The following FAM227B variants were observed in gnomAD, a reference collection of about 807,000 sequenced individuals.
FAM227B encodes family with sequence similarity 227 member B.
A neutral mutation model predicts 73.8 loss-of-function variants in FAM227B; 88 were observed. The ratio of observed to expected loss-of-function variants is 1.19; its 90% confidence interval spans 1.00 to 1.42. The LOEUF is 1.42. Ranked by LOEUF, FAM227B falls within the 40% of genes most tolerant of loss-of-function variation. The probability of loss-of-function intolerance (pLI) is 0.00; values close to 1 mark genes in which losing one functional copy is unlikely to be tolerated. For synonymous variants in FAM227B, 210 were observed against 190.5 expected, an observed-to-expected ratio of 1.10 and a Z score of -0.84; for missense variants, 632 against 590.9, an observed-to-expected ratio of 1.07 and a Z score of -0.72.
At chr15:49,406,615 G>C (rs370988523) in intron 11 of FAM227B, among the ~76,000 whole-genome samples, 3 of 152,132 alleles carry the variant, frequency 2.0e-5, no homozygotes, top group East Asian at 3.9e-4. Context: ...TGCCGGCCAA[G>C]GCTCCAACTG....
chr15:49,422,548 T>C (rs1567245674), intron 11 of FAM227B: 1 of 1,369,006 alleles, frequency 7.3e-7, no homozygotes, highest in South Asian at 1.8e-5. Context: ...GTAGTGAGTA[T>C]AAGTCACAGA....
At chr15:49,490,354 C>T (rs540276562) in intron 11 of FAM227B, among the ~76,000 whole-genome samples, 1 of 152,000 alleles carries the variant, frequency 6.6e-6, no homozygotes, top group Admixed American at 6.6e-5. Flanking sequence ...ACAGAGCAGC[C>T]AAAGTGATTC....
At chr15:49,593,487 G>A (rs60707261) in intron 3 of FAM227B, among the ~76,000 whole-genome samples, 4,328 of 151,676 alleles carry the variant, frequency 0.029, 217 homozygotes, top group African/African-American at 0.1. Context: ...GGTGGTTTTC[G>A]TTACATGAAT....
At chr15:49,442,208 T>C (rs1054027523) in intron 11 of FAM227B, among the ~76,000 whole-genome samples, 1 of 151,722 alleles carries the variant, frequency 6.6e-6, no homozygotes, top group Non-Finnish European at 1.5e-5. Context: ...GATTCTATTC[T>C]AGCCAGCCAA....
Position 49,533,640 on chromosome 15 carries a change from T to A in FAM227B, c.874+8040A>T, listed in dbSNP as rs902126965. On this transcript the variant is annotated intron_variant, in intron 10 of 15. Coordinates refer to ENST00000299338, the MANE Select transcript of FAM227B (RefSeq NM_152647.3). ...TTATATGAATAACCTCTTTGTCTCC[T>A]TTTTTAAGTTTTTGTTTTAATGTCC... Among the ~76,000 whole-genome samples the A allele has an allele frequency of 4.0e-5, 6 of 151,832 alleles. No individual in the cohort carries two copies. In the East Asian group the frequency reaches 7.7e-4, roughly 19 times the overall value.
At chr15:49,421,977 C>T (rs1210987998) in intron 11 of FAM227B, among the ~76,000 whole-genome samples, 1 of 152,152 alleles carries the variant, frequency 6.6e-6, no homozygotes, top group Non-Finnish European at 1.5e-5. Flanking sequence ...TACATCTGAA[C>T]TATTCTGTGC....
At chr15:49,384,992 G>A (rs1399187289) in intron 11 of FAM227B, among the ~76,000 whole-genome samples, 1 of 151,778 alleles carries the variant, frequency 6.6e-6, no homozygotes, top group African/African-American at 2.4e-5. Flanking sequence ...AAAGTGAATG[G>A]CCCACCAATG....
intron 11 of FAM227B, among the ~76,000 whole-genome samples, chr15:49,391,636 C>A (rs1432020953): frequency 6.6e-6 from 1 of 152,052 alleles, no homozygotes; most frequent in Non-Finnish European, 1.5e-5. Flanking sequence ...CTTCTGATGA[C>A]CCCAAGTTTT....
At chr15:49,533,639 C>T (rs1605483) in intron 10 of FAM227B, among the ~76,000 whole-genome samples, 106,373 of 151,518 alleles carry the variant, frequency 0.7, 37,640 homozygotes, top group East Asian at 0.93. Context: ...TCTTTGTCTC[C>T]TTTTTTAAGT....
rs1567172497 is a variant in FAM227B at position 49,372,061 on chromosome 15, C to CTTATAAATCAATGAAATAAAATTCAT, written c.1013-688_1013-663dup. Among the ~76,000 whole-genome samples the CTTATAAATCAATGAAATAAAATTCAT allele has an allele frequency of 1.2e-3, 86 of 73,858 alleles. 14 individuals carry two copies. Among genetic ancestry groups the CTTATAAATCAATGAAATAAAATTCAT allele is most frequent in the East Asian group, 3.4e-3 (11 of 3,206 alleles). 48.5% of individuals were successfully genotyped at this position (73,858 alleles called of 152,430 possible). On this transcript the variant is annotated intron_variant, in intron 11 of 15. Transcript: ENST00000299338. The stretch of plus-strand genomic sequence containing the variant: ...TTATAAATCAATGAAATAAAATTCA[C>CTTATAAATCAATGAAATAAAATTCAT]TTATAAATCAATGAAATAAAATTCA...
intron 3 of FAM227B, among the ~76,000 whole-genome samples, chr15:49,590,461 C>T (rs370513737): frequency 2.0e-5 from 3 of 152,000 alleles, no homozygotes; most frequent in Non-Finnish European, 4.4e-5. Flanking sequence ...TTTCAGTCTA[C>T]GACAGTTCCA....
intron 13 of FAM227B, among the ~76,000 whole-genome samples, chr15:49,346,252 G>A (rs1337835881): frequency 6.6e-6 from 1 of 152,156 alleles, no homozygotes; most frequent in African/African-American, 2.4e-5. Flanking sequence ...GCGCAAGTGC[G>A]CAACAAATGG....
At chr15:49,329,413 A>G (rs2078024) in intron 15 of FAM227B, 225,553 of 984,322 alleles carry the variant, frequency 0.23, 26,251 homozygotes, top group Middle Eastern at 0.28. Flanking sequence ...GAATTATCCA[A>G]AAAAATATCA....
intron 3 of FAM227B, among the ~76,000 whole-genome samples, chr15:49,592,364 T>C (rs1350585712): frequency 6.6e-6 from 1 of 152,210 alleles, no homozygotes; most frequent in African/African-American, 2.4e-5. Flanking sequence ...TGGATGTCCT[T>C]TTTGTGGATG....
intron 10 of FAM227B, 132 bp from the exon 11 acceptor site, chr15:49,508,480 A>G (rs939349806): frequency 5.9e-6 from 4 of 676,320 alleles, no homozygotes; most frequent in Non-Finnish European, 9.3e-6. Flanking sequence ...TGTTCCTTTT[A>G]AGCTGCGTAG....
intron 15 of FAM227B, chr15:49,330,370 A>C (rs2038437903): frequency 6.6e-6 from 1 of 152,218 alleles, no homozygotes; most frequent in South Asian, 2.1e-4. Context: ...AGATGTATAT[A>C]GTTTGGCCCA....
intron 11 of FAM227B, among the ~76,000 whole-genome samples, chr15:49,383,008 CCTT>C (rs1320173044): frequency 2.6e-5 from 4 of 152,144 alleles, no homozygotes; most frequent in African/African-American, 9.6e-5. Context: ...ACTTCAATCT[CCTT>C]GTCTTTTTTT....
At chr15:49,434,278 G>T (rs1164146756) in intron 11 of FAM227B, 1 of 151,248 alleles carries the variant, frequency 6.6e-6, no homozygotes, top group Non-Finnish European at 1.5e-5. Context: ...AATTTTAAAG[G>T]TTAATGACTT....
intron 11 of FAM227B, among the ~76,000 whole-genome samples, chr15:49,411,462 T>C (rs1338531870): frequency 6.6e-6 from 1 of 152,166 alleles, no homozygotes; most frequent in Non-Finnish European, 1.5e-5. Flanking sequence ...GTTTGCATTC[T>C]GGTTTCATAT....
Sources: allele counts gnomAD v4.1 joint callset (sites outside exome capture counted in the v4.1 genomes callset), GRCh38; gene constraint gnomAD v4.1.1; transcripts MANE v1.5; gene names NCBI Gene and HGNC (gene_info 2026-07-23, HGNC 2026-07-21).